Variants in PRKAR1B observed in about 807,000 individuals in gnomAD.
The protein encoded by PRKAR1B is cAMP-dependent protein kinase type I-beta regulatory subunit.
In PRKAR1B, 22 loss-of-function variants were observed where a neutral mutation model predicts 46.5. That is an observed-to-expected ratio of 0.47 (90% CI 0.34 to 0.68). The LOEUF (loss-of-function observed/expected upper bound fraction) is 0.68. Among genes scored for constraint, PRKAR1B ranks in the 30% least tolerant of loss-of-function variants. PRKAR1B has a pLI of 0.01. For synonymous variants in PRKAR1B, 259 were observed against 217.7 expected (o/e 1.19, Z -1.67); for missense variants, 445 against 535.6 (o/e 0.83, Z 1.67).
chr7:726,887 C>A (rs964928818), intron 1 of PRKAR1B: 14 of 1,332,634 alleles, frequency 1.1e-5, no homozygotes, highest in South Asian at 1.8e-5. Context: ...CTGCGGCGCG[C>A]GCTGGAGGAG....
intron 4 of PRKAR1B, chr7:608,549 C>A (rs1305071264): frequency 6.6e-6 from 1 of 152,548 alleles, no homozygotes; most frequent in African/African-American, 2.4e-5. Context: ...ACTTCCCTGG[C>A]AACTCAGTTT....
intron 9 of PRKAR1B, among the ~76,000 whole-genome samples, chr7:558,662 A>G (rs1778598815): frequency 6.6e-6 from 1 of 151,936 alleles, no homozygotes. Flanking sequence ...CTGAGGCAGG[A>G]GGATTGAATG....
intron 6 of PRKAR1B, among the ~76,000 whole-genome samples, chr7:599,453 T>A (rs920427312): frequency 6.6e-6 from 1 of 152,100 alleles, no homozygotes. Flanking sequence ...CACGCCCGGC[T>A]AATTTTGTAT....
chr7:556,655 G>C (rs975731502), intron 9 of PRKAR1B, among the ~76,000 whole-genome samples: 40 of 152,224 alleles, frequency 2.6e-4, no homozygotes, highest in African/African-American at 9.6e-4. Flanking sequence ...GGCGCGGCTG[G>C]ACAGGAGGGG....
chr7:709,895 G>A (rs1053275701), intron 2 of PRKAR1B, among the ~76,000 whole-genome samples: 1 of 152,102 alleles, frequency 6.6e-6, no homozygotes, highest in Non-Finnish European at 1.5e-5. Context: ...TTCCCACCTC[G>A]ACCTTCCAAA....
intron 4 of PRKAR1B, among the ~76,000 whole-genome samples, chr7:625,067 C>G (rs1396594124): frequency 6.6e-6 from 1 of 152,176 alleles, no homozygotes; most frequent in African/African-American, 2.4e-5. Flanking sequence ...TGCATGCTCT[C>G]ACACCGGAAG....
chr7:583,735 T>A (rs374852155), intron 8 of PRKAR1B, among the ~76,000 whole-genome samples: 212 of 148,586 alleles, frequency 1.4e-3, no homozygotes, highest in African/African-American at 5.0e-3. Context: ...TCTACACACA[T>A]GCACACACCC....
intron 9 of PRKAR1B, among the ~76,000 whole-genome samples, chr7:558,481 C>T (rs182739339): frequency 3.3e-5 from 5 of 152,180 alleles, no homozygotes; most frequent in African/African-American, 7.2e-5. Context: ...CCAGGCCAGG[C>T]GTGGTGGCTC....
Position 725,111 on chromosome 7 carries a change from G to C in PRKAR1B, c.-23+2099C>G, listed in dbSNP as rs572107098. On this transcript the variant is annotated intron_variant, in intron 1 of 10. Coordinates refer to ENST00000537384, the MANE Select transcript of PRKAR1B (RefSeq NM_001164760.2). ...CACCTGCAGTCCCAGCTACTTGGGA[G>C]GCTGAGGCAGGAGAATGGCATGAAC... Among the ~76,000 whole-genome samples the C allele has an allele frequency of 1.8e-4, 28 of 152,114 alleles. No homozygotes were observed. The Middle Eastern group carries it at 0.01, about 55-fold the overall frequency.
intron 8 of PRKAR1B, among the ~76,000 whole-genome samples, chr7:583,664 A>G (rs1019946657): frequency 6.5e-5 from 9 of 139,008 alleles, no homozygotes; most frequent in African/African-American, 2.7e-4. Flanking sequence ...CCATGCGCAC[A>G]CACCCACACA....
At chr7:576,567 G>A (rs1156271485) in intron 9 of PRKAR1B, among the ~76,000 whole-genome samples, 1 of 152,090 alleles carries the variant, frequency 6.6e-6, no homozygotes, top group Non-Finnish European at 1.5e-5. Context: ...GGAGACGGAA[G>A]TGACTCAGGT....
chr7:568,265 G>A (rs563308007), intron 9 of PRKAR1B, among the ~76,000 whole-genome samples: 12 of 152,098 alleles, frequency 7.9e-5, no homozygotes, highest in Non-Finnish European at 8.8e-5. Flanking sequence ...CGAGCCACAA[G>A]GTAGGTGACC....
intron 6 of PRKAR1B, among the ~76,000 whole-genome samples, chr7:605,775 C>T (rs1782000567): frequency 6.6e-6 from 1 of 152,138 alleles, no homozygotes; most frequent in Non-Finnish European, 1.5e-5. Flanking sequence ...GTGAAGTCGT[C>T]GGTCCTAGGG....
chr7:625,739 G>T (rs1234391200), intron 4 of PRKAR1B, among the ~76,000 whole-genome samples: 1 of 152,130 alleles, frequency 6.6e-6, no homozygotes, highest in African/African-American at 2.4e-5. Context: ...AGGCACGGTG[G>T]CTCATGCCTG....
At chr7:562,222 TACAG>T (rs1198600938) in intron 9 of PRKAR1B, among the ~76,000 whole-genome samples, 2 of 136,354 alleles carry the variant, frequency 1.5e-5, no homozygotes, top group African/African-American at 2.8e-5. Flanking sequence ...GGCCCCAGGC[TACAG>T]AGGCTCCTGC....
chr7:582,132 C>G lies in PRKAR1B; in HGVS notation c.769+2376G>C, dbSNP rs28439657. Among the ~76,000 whole-genome samples, 619 of 152,064 alleles carry G rather than the reference C, an allele frequency of 4.1e-3. 1 individual carries two copies. The highest frequency in any genetic ancestry group is 4.8e-3 in the Admixed American group (73 of 15,260). On this transcript the variant is annotated intron_variant, in intron 8 of 10. Coordinates refer to ENST00000537384, the MANE Select transcript of PRKAR1B (RefSeq NM_001164760.2). ...ACAAGGGCAGCCTGCAGCCACAGGA[C>G]GAGACGTCGTAAGGCTGCGTGCACC...
intron 4 of PRKAR1B, among the ~76,000 whole-genome samples, chr7:634,464 C>T (rs1281663528): frequency 6.6e-6 from 1 of 151,978 alleles, no homozygotes; most frequent in African/African-American, 2.4e-5. Flanking sequence ...GGCAACAGAG[C>T]AAGACCCTGT....
intron 2 of PRKAR1B, among the ~76,000 whole-genome samples, chr7:682,421 G>T (rs980168470): frequency 3.3e-5 from 5 of 152,106 alleles, no homozygotes; most frequent in African/African-American, 1.2e-4. Flanking sequence ...TTCAAGACCA[G>T]CCTGGGCAAC....
chr7:705,811 G>T (rs1780293486), intron 2 of PRKAR1B, among the ~76,000 whole-genome samples: 1 of 152,170 alleles, frequency 6.6e-6, no homozygotes, highest in Non-Finnish European at 1.5e-5. Context: ...TGGATCACCT[G>T]AGGTCAGGAG....
Sources: gnomAD v4.1 joint callset for allele counts (sites outside exome capture counted in the v4.1 genomes callset) on GRCh38, gnomAD v4.1.1 for gene constraint, MANE v1.5 for transcripts, NCBI Gene and HGNC (gene_info 2026-07-23, HGNC 2026-07-21) for gene names.